The following SLCO4A1 variants were observed in gnomAD, a reference collection of about 807,000 sequenced individuals.
SLCO4A1 encodes colon organic anion transporter.
A neutral mutation model predicts 64.6 loss-of-function variants in SLCO4A1; 51 were observed. That is an observed-to-expected ratio of 0.79 (90% CI 0.63 to 1.00). The LOEUF (loss-of-function observed/expected upper bound fraction) is 1.00, where lower values mean the gene tolerates loss of function less well. SLCO4A1 is among the 50% of genes least tolerant of loss of function. The pLI, the probability that SLCO4A1 is intolerant of heterozygous loss-of-function variation, is 0.00. For missense variants in SLCO4A1, 919 were observed against 980.5 expected (o/e 0.94, Z 0.84); for synonymous variants, 471 against 444.9 (o/e 1.06, Z -0.74).
chr20:62,676,361 C>T (rs1004272233), downstream of SLCO4A1, among the ~76,000 whole-genome samples: 11 of 152,172 alleles, frequency 7.2e-5, no homozygotes, highest in South Asian at 2.1e-4. Flanking sequence ...TCAAGGCTGT[C>T]GTGAGCCATG....
rs532315561 is a variant in SLCO4A1 at position 62,661,715 on chromosome 20, G to A, written c.1121+540G>A. ...TGAGGACCTCCCCCCTCTACCCGGC[G>A]TGTCCCGCTCACCCTCTGGGGAGGT... On this transcript the variant is annotated intron_variant, in intron 5 of 11. Coordinates refer to ENST00000217159, the MANE Select transcript of SLCO4A1 (RefSeq NM_016354.4). This position sits in a 1 kb window ranked among gnomAD's most constrained non-coding sequence, Gnocchi z 5.2. Among the ~76,000 whole-genome samples the A allele has an allele frequency of 6.6e-5, 10 of 151,294 alleles. No homozygotes were observed. The highest frequency in any genetic ancestry group is 2.6e-4 in the Admixed American group (4 of 15,214).
chr20:62,675,353 G>A (rs773953866), downstream of SLCO4A1, among the ~76,000 whole-genome samples: 15 of 152,066 alleles, frequency 9.9e-5, no homozygotes, highest in Non-Finnish European at 1.6e-4. Context: ...TGGGCAGCCC[G>A]GGCTGCCGGC....
At chr20:62,679,025 C>T (rs572929514) in intron 2 of SLCO4A1, among the ~76,000 whole-genome samples, 78 of 152,272 alleles carry the variant, frequency 5.1e-4, no homozygotes, top group African/African-American at 1.8e-3. Flanking sequence ...TCGAGACCAG[C>T]CTGGCCAACA....
chr20:62,658,825 G>A, intron 3 of SLCO4A1, 58 bp downstream of exon 3: 1 of 1,422,552 alleles, frequency 7.0e-7, no homozygotes. Context: ...CTCTGGAAGG[G>A]GGTTCAGAGT....
rs376899753 is a variant in SLCO4A1, at chr20:62,661,078, G to A, written c.1024G>A (p.Ala342Thr). 69 of 1,371,706 alleles carry A rather than the reference G, an allele frequency of 5.0e-5. No individual in the cohort carries two copies. In the Middle Eastern group the frequency reaches 6.1e-4, roughly 12 times the overall value. The allele number at this position is 1,371,706 out of a possible 1,614,324, so 85.0% of individuals were successfully genotyped here. A position where few individuals can be genotyped will look rare whatever the true frequency, so the allele number is the denominator to read the frequency against. Residue 342 changes from alanine (A) to threonine (T), a missense_variant, in exon 5 of 12, where the codon GCG (alanine) becomes ACG (threonine). Physicochemically the swap from Ala to Thr is moderately conservative, Grantham distance 58 (BLOSUM62 0). Transcript: ENST00000217159. This position sits in a 1 kb window ranked among gnomAD's most constrained non-coding sequence, Gnocchi z 5.2. ...TGCCCTTCCAGGCTCCCAGCGCTACGCGGTCATGAGAGCGGCGGAAATGCA... is the reference window on the plus strand; with the variant it reads ...TGCCCTTCCAGGCTCCCAGCGCTACACGGTCATGAGAGCGGCGGAAATGCA... Reference protein sequence around the residue: ...PRQLPGSQRYAVMRAAEMHQL... With the variant: ...PRQLPGSQRYTVMRAAEMHQL...
intron 11 of SLCO4A1, among the ~76,000 whole-genome samples, chr20:62,670,410 C>T (rs1328190830): frequency 6.6e-6 from 1 of 152,270 alleles, no homozygotes; most frequent in Non-Finnish European, 1.5e-5. Flanking sequence ...CACCATATCA[C>T]AGTGCCATGT....
rs912719785 is a variant in SLCO4A1, at chr20:62,668,923, T to A, written c.1877-7T>A. On this transcript the variant is annotated splice_polypyrimidine_tract_variant and splice_region_variant and intron_variant, in intron 10 of 11. Transcript: ENST00000217159. The stretch of plus-strand genomic sequence containing the variant: ...AGTGTGGGTGCTGAGTGGGCTTCTC[T>A]CCGCAGGGGGCATCCCGGGGCCCAT... 1.2e-6 allele frequency: 2 copies of A among 1,600,540 alleles called. No homozygotes were observed. Among genetic ancestry groups the A allele is most frequent in the African/African-American group, 2.7e-5 (2 of 74,892 alleles).
intron 7 of SLCO4A1, chr20:62,667,365 C>T (rs1052351330): frequency 1.8e-4 from 40 of 216,758 alleles, no homozygotes; most frequent in African/African-American, 7.3e-4. Flanking sequence ...GCTGGAGAAC[C>T]GAGGACTGGG....
At position 62,644,748 on chromosome 20, in the gene SLCO4A1, G is replaced by C. The variant is rs1183780811; in HGVS notation, c.-97+2195G>C. On this transcript the variant is annotated intron_variant, in intron 1 of 11. Coordinates refer to ENST00000217159, the MANE Select transcript of SLCO4A1 (RefSeq NM_016354.4). The surrounding 1 kb of genome is among the most constrained non-coding windows in gnomAD (Gnocchi z 5.4). ...TTAATCCATTTCTGGGGTGGGTACT[G>C]CTGAGCCAATATACATTCCTGGCTT... 6.6e-6 allele frequency among the ~76,000 whole-genome samples: 1 copy of C among 152,250 alleles called. No homozygotes were observed. The highest frequency in any genetic ancestry group is 1.9e-4 in the East Asian group (1 of 5,198).
At chr20:62,643,070 C>T in intron 1 of SLCO4A1, 1 of 469,108 alleles carries the variant, frequency 2.1e-6, no homozygotes, top group South Asian at 1.6e-5. Context: ...GGAAGTTTCT[C>T]GGGGGCGGCC....
chr20:62,658,932 C>T (rs371702035), intron 3 of SLCO4A1, among the ~76,000 whole-genome samples, 165 bp downstream of exon 3: 3 of 152,302 alleles, frequency 2.0e-5, no homozygotes, highest in Admixed American at 1.3e-4. Context: ...CTGGAGGACT[C>T]GGAGGATCTG....
In SLCO4A1 at chr20:62,661,086, G is replaced by A. The variant is rs776975598; in HGVS notation, c.1032G>A (p.Met344Ile). 8 of 1,378,612 alleles carry A rather than the reference G, an allele frequency of 5.8e-6. No homozygotes were observed. In the East Asian group the frequency reaches 3.6e-4, roughly 61 times the overall value. The allele number at this position is 1,378,612 out of a possible 1,614,324, so 85.4% of individuals were successfully genotyped here. Residue 344 changes from methionine to isoleucine, a missense_variant, in exon 5 of 12, where the codon ATG (methionine) becomes ATA (isoleucine). Physicochemically the swap from Met to Ile is conservative, Grantham distance 10. Transcript: ENST00000217159. The surrounding 1 kb of genome is among the most constrained non-coding windows in gnomAD (Gnocchi z 5.2). ...CAGGCTCCCAGCGCTACGCGGTCAT[G>A]AGAGCGGCGGAAATGCACCAGTTGA... The part of the protein sequence containing the change: ...QLPGSQRYAV[M>I]RAAEMHQLKD...
At chr20:62,674,548 G>C (rs1467386141), downstream of SLCO4A1, among the ~76,000 whole-genome samples, 3 of 152,232 alleles carry the variant, frequency 2.0e-5, no homozygotes, top group Non-Finnish European at 4.4e-5. Flanking sequence ...CCTCTCTGCT[G>C]CCAGTGGTCA....
chr20:62,668,182 A>G lies in SLCO4A1; in HGVS notation c.1809A>G (p.Leu603=), dbSNP rs747401515. The change falls in exon 9 of 12, where the codon CTA becomes CTG. Residue 603 remains leucine (L), a splice_region_variant and synonymous_variant. Transcript: ENST00000217159. ...GCATTCCTGCACTAACGGCAACTCT[A>G]CGGTAAGCTGGGGTCGGGTGTGCGC... is the stretch of plus-strand genomic sequence containing the variant. ...LSSIPALTAT[L]RCVRDPQRSF... is the part of the protein sequence containing the mutation. 93 of 1,613,562 alleles carry G rather than the reference A, an allele frequency of 5.8e-5. No individual in the cohort carries two copies. Among genetic ancestry groups the G allele is most frequent in the African/African-American group, 2.7e-5 (2 of 74,902 alleles).
chr20:62,658,723 G>A lies in SLCO4A1; in HGVS notation c.843G>A (p.Leu281=). The change falls in exon 3 of 12, where the codon CTG becomes CTA. Residue 281 remains leucine (L), a synonymous_variant. Coordinates refer to ENST00000217159, the MANE Select transcript of SLCO4A1 (RefSeq NM_016354.4). Reference sequence around the variant, plus strand: ...TCCTGGGCCCAGCTGCCGGCTACCTGATTGGAGGTGCCCTGCTGAATATCT... The same window carrying A: ...TCCTGGGCCCAGCTGCCGGCTACCTAATTGGAGGTGCCCTGCTGAATATCT... ...AAILGPAAGY[L]IGGALLNIYT... 6.2e-7 allele frequency: 1 copy of A among 1,612,234 alleles called. No homozygotes were observed. Among genetic ancestry groups the A allele is most frequent in the Non-Finnish European group, 8.5e-7 (1 of 1,179,568 alleles).
intron 1 of SLCO4A1, among the ~76,000 whole-genome samples, chr20:62,652,554 G>A (rs953686738): frequency 2.0e-5 from 3 of 152,230 alleles, no homozygotes; most frequent in East Asian, 1.9e-4. Flanking sequence ...GTGACAGCTC[G>A]CTTCAGTAGA....
At chr20:62,652,371 G>C (rs1982709584) in intron 1 of SLCO4A1, among the ~76,000 whole-genome samples, 1 of 152,148 alleles carries the variant, frequency 6.6e-6, no homozygotes, top group Non-Finnish European at 1.5e-5. Context: ...CTCTGAGCCT[G>C]GCCTGTCCTC....
In SLCO4A1 at chr20:62,685,397, C is replaced by G; in HGVS notation, n.212-44C>G. Reference sequence around the variant, plus strand: ...CCCTTCCACTCTGCTGTGGCCTGACCAAGCGGGCTGTTTTCTTGCTTTGTT... The same window carrying G: ...CCCTTCCACTCTGCTGTGGCCTGACGAAGCGGGCTGTTTTCTTGCTTTGTT... On this transcript the variant is annotated intron_variant and non_coding_transcript_variant, in intron 2 of 2. Transcript: ENST00000466818. The surrounding 1 kb of genome is among the most constrained non-coding windows in gnomAD (Gnocchi z 4.6). 3 of 976,860 alleles carry G rather than the reference C, an allele frequency of 3.1e-6. No homozygotes were observed. The highest frequency in any genetic ancestry group is 3.6e-6 in the Non-Finnish European group (3 of 822,088). The allele number at this position is 976,860 out of a possible 1,614,324, so 60.5% of individuals were successfully genotyped here. A position where few individuals can be genotyped will look rare whatever the true frequency, so the allele number is the denominator to read the frequency against.
chr20:62,667,524 A>C, intron 7 of SLCO4A1: 2 of 585,434 alleles, frequency 3.4e-6, no homozygotes, highest in South Asian at 4.4e-5. Context: ...GCTGGGGGGC[A>C]TGGGTGTGCC....
Sources: allele counts gnomAD v4.1 joint callset (sites outside exome capture counted in the v4.1 genomes callset), GRCh38; gene constraint gnomAD v4.1.1; non-coding constraint Gnocchi (gnomAD v3.1); transcripts MANE v1.5; gene names NCBI Gene and HGNC (gene_info 2026-07-23, HGNC 2026-07-21).